EVC: variants seen among roughly 807,000 people sequenced by gnomAD.
The protein encoded by EVC is evC complex member EVC.
Under a neutral mutation model 118.9 loss-of-function variants are expected in EVC, and 116 were observed. The ratio of observed to expected loss-of-function variants is 0.98; its 90% CI spans 0.84 to 1.14. The LOEUF (loss-of-function observed/expected upper bound fraction) is 1.14, where lower values mean the gene tolerates loss of function less well. Among genes scored for constraint, EVC ranks in the 50% most tolerant of loss-of-function variants. The probability of loss-of-function intolerance (pLI) is 0.00; values close to 1 mark genes in which losing one functional copy is unlikely to be tolerated. For missense variants in EVC, 1,401 were observed against 1,246.4 expected, an observed-to-expected ratio of 1.12 and a Z score of -1.87; for synonymous variants, 619 against 534.7, an observed-to-expected ratio of 1.16 and a Z score of -2.18.
In EVC at chr4:5,719,098, A is replaced by C. The variant is rs906227518; in HGVS notation, c.175-150A>C. ...CCACGTGGGGTGGGAGGCGTCACAC[A>C]CAGAAGACCAAGCTTGAGAAGCACA... On this transcript the variant is annotated intron_variant, in intron 1 of 20. Transcript: ENST00000264956. This position sits in a 1 kb window ranked among gnomAD's most constrained non-coding sequence, Gnocchi z 4.7. 1 of 1,075,390 alleles carries C rather than the reference A, an allele frequency of 9.3e-7. No homozygotes were observed. The highest frequency in any genetic ancestry group is 1.4e-6 in the Non-Finnish European group (1 of 703,162). The allele number at this position is 1,075,390 out of a possible 1,614,324, so 66.6% of individuals were successfully genotyped here.
chr4:5,756,240 A>C lies in EVC; in HGVS notation c.1465-24A>C, dbSNP rs1191914169. 6.3e-7 allele frequency: 1 copy of C among 1,575,364 alleles called. No individual in the cohort carries two copies. The highest frequency in any genetic ancestry group is 1.4e-5 in the African/African-American group (1 of 73,964). On this transcript the variant is annotated intron_variant, in intron 10 of 20. Coordinates refer to ENST00000264956, the MANE Select transcript of EVC (RefSeq NM_153717.3). This position sits in a 1 kb window ranked among gnomAD's most constrained non-coding sequence, Gnocchi z 4.2. ...AAAAAACCCTGCATGTTTCTACCAG[A>C]CTCAGCTCTTGTTTTCCTCACAGGC...
chr4:5,794,087 C>A (rs1489408771), intron 13 of EVC, among the ~76,000 whole-genome samples: 1 of 151,694 alleles, frequency 6.6e-6, no homozygotes, highest in Non-Finnish European at 1.5e-5. Context: ...TAAAAGATTT[C>A]TTGTGCCCAA....
chr4:5,825,929 T>TATGCATGC, the EVC span: 18,056 of 491,908 alleles, frequency 0.037, 429 homozygotes, highest in African/African-American at 0.056. The surrounding 1 kb of genome is among the most constrained non-coding windows in gnomAD (Gnocchi z 4.4). Context: ...CGCACTCACA[T>TATGCATGC]ACATGCAGTC....
chr4:5,819,542 T>C, the EVC span, among the ~76,000 whole-genome samples: 1 of 152,218 alleles, frequency 6.6e-6, no homozygotes, highest in African/African-American at 2.4e-5. Context: ...TAGATTATGC[T>C]GGTTGGACAG....
At chr4:5,774,790 C>T (rs1028605396) in intron 11 of EVC, among the ~76,000 whole-genome samples, 1 of 152,142 alleles carries the variant, frequency 6.6e-6, no homozygotes, top group Admixed American at 6.5e-5. Flanking sequence ...CCACTGTGTC[C>T]TGACCCCTTT....
rs772178692 is a variant in EVC at position 5,719,218 on chromosome 4, C to T, written c.175-30C>T. Reference sequence around the variant, plus strand: ...CTGACCTCAATGTTGTGTTTCTATCCACCCCCAACTCCTGACCTTCGGGTT... The same window carrying T: ...CTGACCTCAATGTTGTGTTTCTATCTACCCCCAACTCCTGACCTTCGGGTT... On this transcript the variant is annotated intron_variant, in intron 1 of 20. Coordinates refer to ENST00000264956, the MANE Select transcript of EVC (RefSeq NM_153717.3). The surrounding 1 kb of genome is among the most constrained non-coding windows in gnomAD (Gnocchi z 4.7). The T allele has an allele frequency of 1.2e-5, 19 of 1,613,832 alleles. No homozygotes were observed. The Admixed American group carries it at 2.8e-4, about 24-fold the overall frequency.
At chr4:5,792,654 A>G (rs1367916327) in intron 12 of EVC, among the ~76,000 whole-genome samples, 2 of 152,232 alleles carry the variant, frequency 1.3e-5, no homozygotes, top group Non-Finnish European at 2.9e-5. Context: ...ATATTTATGG[A>G]TAATATGAAT....
At chr4:5,729,460 G>A (rs542798399) in intron 3 of EVC, 70 bp downstream of exon 3, 30 of 1,420,716 alleles carry the variant, frequency 2.1e-5, no homozygotes, top group Middle Eastern at 1.8e-4. Context: ...GGAGGAAAGT[G>A]GGGGGATTAA....
intron 12 of EVC, among the ~76,000 whole-genome samples, chr4:5,784,717 C>T (rs1396355156): frequency 6.7e-6 from 1 of 149,030 alleles, no homozygotes; most frequent in Non-Finnish European, 1.5e-5. Flanking sequence ...AAGCGATTCT[C>T]CTGCCTCAGC....
intron 2 of EVC, among the ~76,000 whole-genome samples, chr4:5,723,677 C>CT (rs1347358315): frequency 1.3e-5 from 2 of 152,118 alleles, no homozygotes; most frequent in Non-Finnish European, 2.9e-5. Flanking sequence ...GCAAATGTGT[C>CT]TCCCCTGGAC....
At chr4:5,793,076 A>T (rs1043510629) in intron 12 of EVC, among the ~76,000 whole-genome samples, 1 of 152,208 alleles carries the variant, frequency 6.6e-6, no homozygotes, top group African/African-American at 2.4e-5. Flanking sequence ...AAAGCAACCA[A>T]GAATAGCTCA....
At chr4:5,802,578 C>T (rs1445874516) in intron 16 of EVC, among the ~76,000 whole-genome samples, 1 of 135,534 alleles carries the variant, frequency 7.4e-6, no homozygotes, top group East Asian at 2.7e-4. Flanking sequence ...CAGTGGGAGC[C>T]CTGAGCTTGT....
chr4:5,782,753 T>A (rs932921401), intron 11 of EVC, among the ~76,000 whole-genome samples: 1 of 151,876 alleles, frequency 6.6e-6, no homozygotes, highest in African/African-American at 2.4e-5. Flanking sequence ...ATCTTGAGTG[T>A]GAGGGGAACA....
In EVC at chr4:5,810,986, TG is replaced by T; in HGVS notation, c.2932del (p.Asp978ThrfsTer9). 6.2e-7 allele frequency: 1 copy of T among 1,613,226 alleles called. No homozygotes were observed. Among genetic ancestry groups the T allele is most frequent in the Non-Finnish European group, 8.5e-7 (1 of 1,179,546 alleles). On this transcript the variant is annotated frameshift_variant, in exon 21 of 21. Transcript: ENST00000264956. LOFTEE classifies it high-confidence loss of function. The stretch of plus-strand genomic sequence containing the variant: ...GGCTGAGTCAGCAAGAAAGTGAAGC[TG>T]GGGACAGTGGGAACTCAAAGAAGAT... ...KRLSQQESEA[G>X]DSGNSKKMLK...
rs1424976594 is a variant in EVC, at chr4:5,810,453, A to G, written c.2894+3A>G. ...GACCAGACCTCAGGCTCACTCAGGT[A>G]TGACTGGGCCCCGGACCTGTTGCCT... On this transcript the variant is annotated splice_donor_region_variant and intron_variant, in intron 20 of 20. Coordinates refer to ENST00000264956, the MANE Select transcript of EVC (RefSeq NM_153717.3). 4 of 1,607,122 alleles carry G rather than the reference A, an allele frequency of 2.5e-6. No homozygotes were observed. The highest frequency in any genetic ancestry group is 3.4e-6 in the Non-Finnish European group (4 of 1,176,784).
intron 4 of EVC, 22 bp from the exon 5 acceptor site, chr4:5,733,329 C>A: frequency 6.2e-7 from 1 of 1,603,300 alleles, no homozygotes. Flanking sequence ...AAGTCTTTTC[C>A]GCTTCTCATT....
chr4:5,829,037 C>A, the EVC span, among the ~76,000 whole-genome samples: 3 of 137,830 alleles, frequency 2.2e-5, no homozygotes, highest in Non-Finnish European at 4.7e-5. Flanking sequence ...AAATTTTTTT[C>A]TCTAGGTTTC....
At position 5,807,411 on chromosome 4, in the gene EVC, A is replaced by G. The variant is rs11944822; in HGVS notation, c.2562-790A>G. ...GCATTTTCACACCTCGGAGCACTCC[A>G]CACGCACAGCTGCCTATCCATGCTA... On this transcript the variant is annotated intron_variant, in intron 17 of 20. Transcript: ENST00000264956. 7.5e-3 allele frequency among the ~76,000 whole-genome samples: 1,147 copies of G among 152,330 alleles called. 17 individuals carry two copies. Among genetic ancestry groups the G allele is most frequent in the African/African-American group, 0.025 (1,059 of 41,560 alleles).
At chr4:5,825,288 C>T in the EVC span, 3 of 985,044 alleles carry the variant, frequency 3.0e-6, no homozygotes, top group Non-Finnish European at 2.4e-6. This position sits in a 1 kb window ranked among gnomAD's most constrained non-coding sequence, Gnocchi z 4.4. Context: ...ACCATGTTGC[C>T]CCCCTAACAT....
Sources: gnomAD v4.1 joint callset for allele counts (sites outside exome capture counted in the v4.1 genomes callset) on GRCh38, gnomAD v4.1.1 for gene constraint, Gnocchi (gnomAD v3.1) non-coding constraint, MANE v1.5 for transcripts, NCBI Gene and HGNC (gene_info 2026-07-23, HGNC 2026-07-21) for gene names.